The following ITIH3 variants were observed in gnomAD, a reference collection of about 807,000 sequenced individuals.
The protein encoded by ITIH3 is inter-alpha-trypsin inhibitor heavy chain H3.
A neutral mutation model predicts 96.5 loss-of-function variants in ITIH3; 81 were observed. The observed-to-expected ratio is 0.84, with a 90% CI of 0.70 to 1.01. The LOEUF is 1.01. Ranked by LOEUF, ITIH3 falls within the 50% of genes least tolerant of loss-of-function variation. The probability of loss-of-function intolerance (pLI) is 0.00; values close to 1 mark genes in which losing one functional copy is unlikely to be tolerated. For missense variants in ITIH3, 1,057 were observed against 1,139.3 expected, an observed-to-expected ratio of 0.93 and a Z score of 1.04; for synonymous variants, 422 against 445.2, an observed-to-expected ratio of 0.95 and a Z score of 0.66.
At chr3:52,804,870 T>C in intron 15 of ITIH3, 136 bp downstream of exon 15, 3 of 949,158 alleles carry the variant, frequency 3.2e-6, no homozygotes, top group Non-Finnish European at 4.9e-6. Flanking sequence ...CCCAGCCCTA[T>C]TGCCAAATCA....
Position 52,804,001 on chromosome 3 carries a change from C to T in ITIH3, c.1856C>T (p.Pro619Leu), listed in dbSNP as rs1699949052. Residue 619 changes from proline (P) to leucine (L), a missense_variant, in exon 14 of 22, where the codon CCT becomes CTT. Pro to Leu is a moderately conservative substitution (Grantham distance 98). Transcript: ENST00000449956. ...NEDERAIADK[P>L]GEDAEATPVS... is the part of the protein sequence containing the mutation. The stretch of plus-strand genomic sequence containing the variant: ...GATGAGAGGGCCATTGCCGACAAGC[C>T]TGGGGAAGGTGGGGATAGGGATGGA... 1.2e-6 allele frequency: 2 copies of T among 1,612,934 alleles called. No individual in the cohort carries two copies. Among genetic ancestry groups the T allele is most frequent in the Non-Finnish European group, 8.5e-7 (1 of 1,179,472 alleles).
chr3:52,804,387 C>T (rs2087519447), intron 14 of ITIH3: 3 of 432,728 alleles, frequency 6.9e-6, no homozygotes, highest in Non-Finnish European at 1.2e-5. Context: ...GGGGAAGAGT[C>T]CCTGAGAGCT....
intron 15 of ITIH3, chr3:52,805,132 C>G: frequency 4.2e-6 from 1 of 236,190 alleles, no homozygotes; most frequent in Non-Finnish European, 7.8e-6. Context: ...ACAGACTCAG[C>G]AGATGGCCAA....
intron 1 of ITIH3, among the ~76,000 whole-genome samples, chr3:52,795,280 G>C (rs1228101353): frequency 2.0e-5 from 3 of 152,136 alleles, no homozygotes; most frequent in Admixed American, 6.5e-5. Flanking sequence ...AGGGGCCTGG[G>C]GGCCAGGGAA....
chr3:52,805,954 T>G, intron 16 of ITIH3, 114 bp downstream of exon 16: 1 of 1,510,026 alleles, frequency 6.6e-7, no homozygotes, highest in Non-Finnish European at 9.1e-7. Flanking sequence ...ATGGACAATG[T>G]GCCCTGAGGA....
intron 6 of ITIH3, 34 bp downstream of exon 6, chr3:52,797,964 G>A: frequency 7.7e-7 from 1 of 1,304,744 alleles, no homozygotes; most frequent in Non-Finnish European, 1.1e-6. Flanking sequence ...TGGTGGGGCA[G>A]GGGACAGGAA....
chr3:52,806,027 G>A (rs1222078189), intron 16 of ITIH3, 76 bp from the exon 17 acceptor site: 1 of 1,537,978 alleles, frequency 6.5e-7, no homozygotes, highest in Non-Finnish European at 8.8e-7. Context: ...GGCATAAGCT[G>A]AACTCCTATG....
At chr3:52,797,300 G>A (rs752033496) in intron 5 of ITIH3, 33 bp downstream of exon 5, 10 of 1,575,304 alleles carry the variant, frequency 6.3e-6, no homozygotes, top group South Asian at 2.3e-5. Context: ...CTGGGGGGAC[G>A]GCAGCGGGGT....
Position 52,807,020 on chromosome 3 carries a change from G to A in ITIH3, c.2176G>A (p.Val726Met), listed in dbSNP as rs372901935. Residue 726 changes from valine (V) to methionine (M), a missense_variant, in exon 19 of 22, where the codon GTG becomes ATG. Physicochemically the swap from Val to Met is conservative, Grantham distance 21. Transcript: ENST00000449956. Reference protein sequence around the residue: ...ANAQMDFQVEVTTEKITLWNR... With the variant: ...ANAQMDFQVEMTTEKITLWNR... ...TGCTCAGATGGACTTCCAGGTGGAGGTGACAACGGAGAAGATCACCCTGTG... is the reference window on the plus strand; with the variant it reads ...TGCTCAGATGGACTTCCAGGTGGAGATGACAACGGAGAAGATCACCCTGTG... 1 of 1,601,824 alleles carries A rather than the reference G, an allele frequency of 6.2e-7. No homozygotes were observed. The highest frequency in any genetic ancestry group is 8.5e-7 in the Non-Finnish European group (1 of 1,174,362).
At chr3:52,807,166 G>A in intron 19 of ITIH3, 61 bp downstream of exon 19, 1 of 1,409,366 alleles carries the variant, frequency 7.1e-7, no homozygotes, top group Non-Finnish European at 9.8e-7. Context: ...GGAGGCTCTT[G>A]AGGGATTTAG....
rs376164287 is a variant in ITIH3 at position 52,807,813 on chromosome 3, C to A, written c.2328C>A (p.Val776=). 1.4e-5 allele frequency: 22 copies of A among 1,611,820 alleles called. No individual in the cohort carries two copies. In the Middle Eastern group the frequency reaches 1.3e-3, roughly 96 times the overall value. Residue 776 remains valine, a synonymous_variant, in exon 20 of 22, where the codon GTC becomes GTA. Coordinates refer to ENST00000449956, the MANE Select transcript of ITIH3 (RefSeq NM_002217.4). The part of the protein sequence containing the change: ...VSFGDGVTFV[V]VLHQVWKKHP... The stretch of plus-strand genomic sequence containing the variant: ...TTGGAGATGGGGTTACCTTCGTGGT[C>A]GTCCTACACCAGGTGTGGAAGAAAC...
At chr3:52,805,246 A>G in intron 15 of ITIH3, 3 of 983,076 alleles carry the variant, frequency 3.1e-6, no homozygotes, top group Non-Finnish European at 3.6e-6. Flanking sequence ...GAACCTCACA[A>G]ACTCCCTGCC....
intron 11 of ITIH3, 150 bp from the exon 12 acceptor site, chr3:52,802,184 C>T (rs1699853733): frequency 2.7e-6 from 2 of 751,386 alleles, no homozygotes; most frequent in Admixed American, 5.9e-5. Flanking sequence ...GGGGGAGGCC[C>T]CCACAGACTG....
Position 52,801,776 on chromosome 3 carries a change from C to T in ITIH3, c.1384-558C>T, listed in dbSNP as rs182715976. On this transcript the variant is annotated intron_variant, in intron 11 of 21. Coordinates refer to ENST00000449956, the MANE Select transcript of ITIH3 (RefSeq NM_002217.4). ...CAAATAAGGTTGAACTTTAGGAGTA[C>T]GCTATTCAACCCATAACAGACATAC... Among the ~76,000 whole-genome samples the T allele has an allele frequency of 5.1e-4, 77 of 152,306 alleles. 1 individual carries two copies. The highest frequency in any genetic ancestry group is 1.6e-3 in the Admixed American group (24 of 15,298).
Position 52,804,944 on chromosome 3 carries a change from C to T in ITIH3, c.1873+210C>T, listed in dbSNP as rs957069590. On this transcript the variant is annotated intron_variant, in intron 15 of 21. Transcript: ENST00000449956. Reference sequence around the variant, plus strand: ...TTAATTGGGGGTGGCTTCCCTTGCCCAGGGAGACACAATCAGTATGACAGT... The same window carrying T: ...TTAATTGGGGGTGGCTTCCCTTGCCTAGGGAGACACAATCAGTATGACAGT... 4.6e-5 allele frequency: 28 copies of T among 614,684 alleles called. No individual in the cohort carries two copies. In the African/African-American group the frequency reaches 5.0e-4, roughly 11 times the overall value. 38.1% of individuals were successfully genotyped at this position (614,684 alleles called of 1,614,324 possible).
chr3:52,799,380 T>C lies in ITIH3; in HGVS notation c.798T>C (p.Asn266=). The C allele has an allele frequency of 2.5e-6, 4 of 1,595,828 alleles. No individual in the cohort carries two copies. The highest frequency in any genetic ancestry group is 3.4e-6 in the Non-Finnish European group (4 of 1,171,366). ...CTCTCCCCACTTTCCAGATAGTCAA[T>C]GGCTACTTCGTGCACTTCTTTGCAC... ...RESPGNVQIV[N]GYFVHFFAPQ... Residue 266 remains asparagine, a synonymous_variant, in exon 8 of 22, where the codon AAT becomes AAC. Coordinates refer to ENST00000449956, the MANE Select transcript of ITIH3 (RefSeq NM_002217.4).
intron 10 of ITIH3, 145 bp from the exon 11 acceptor site, chr3:52,800,820 G>C: frequency 6.9e-7 from 1 of 1,456,444 alleles, no homozygotes; most frequent in Non-Finnish European, 9.4e-7. Context: ...CCCTCTGCCA[G>C]GGCTCTCCAC....
chr3:52,804,352 G>A (rs1354502494), intron 14 of ITIH3: 4 of 437,140 alleles, frequency 9.2e-6, no homozygotes, highest in Admixed American at 4.0e-5. Flanking sequence ...CCTGGAGCAG[G>A]CTATCAGGCA....
Position 52,802,703 on chromosome 3 carries a change from A to G in ITIH3, c.1606A>G (p.Met536Val). 4 of 1,613,948 alleles carry G rather than the reference A, an allele frequency of 2.5e-6. No homozygotes were observed. Among genetic ancestry groups the G allele is most frequent in the Non-Finnish European group, 2.5e-6 (3 of 1,179,874 alleles). ...NDLTFTEEVD[M>V]KEMEKALQER... The stretch of plus-strand genomic sequence containing the variant: ...CCTGACCTTCACAGAGGAGGTGGAC[A>G]TGAAGGAGATGGAGAAGGCCCTGCA... The change falls in exon 13 of 22, where the codon ATG (methionine) becomes GTG (valine). Residue 536 changes from methionine (M) to valine (V), a missense_variant. Transcript: ENST00000449956.
Sources: allele counts gnomAD v4.1 joint callset (sites outside exome capture counted in the v4.1 genomes callset), GRCh38; gene constraint gnomAD v4.1.1; transcripts MANE v1.5; gene names NCBI Gene and HGNC (gene_info 2026-07-23, HGNC 2026-07-21).